The following DOCK8 variants were observed in gnomAD, a reference collection of about 807,000 sequenced individuals.
The protein encoded by DOCK8 is dedicator of cytokinesis 8, also known as dedicator of cytokinesis protein 8.
In DOCK8, 141 loss-of-function variants were observed where a neutral mutation model predicts 245.6. That is an observed-to-expected ratio of 0.57 (90% CI 0.50 to 0.66). The LOEUF is 0.66. Among genes scored for constraint, DOCK8 ranks in the 30% least tolerant of loss-of-function variants. The pLI is 0.00. For missense variants in DOCK8, 2,965 were observed against 2,603.4 expected (o/e 1.14, Z -3.02); for synonymous variants, 1,168 against 970.2 (o/e 1.20, Z -3.79).
In DOCK8 at chr9:429,268, A is replaced by G. The variant is rs147315025; in HGVS notation, c.4474-434A>G. 5.7e-3 allele frequency among the ~76,000 whole-genome samples: 872 copies of G among 152,174 alleles called. 12 individuals are homozygous for G. Among genetic ancestry groups the G allele is most frequent in the African/African-American group, 0.02 (837 of 41,562 alleles). On this transcript the variant is annotated intron_variant, in intron 35 of 47. Coordinates refer to ENST00000432829, the MANE Select transcript of DOCK8 (RefSeq NM_203447.4). ...AGGCGTGAGCCCCCGTTCCTGGCCT[A>G]TTTTTCCCTTTATTGAAGATCTCAA... is the stretch of plus-strand genomic sequence containing the variant.
At chr9:273,085 T>C in intron 2 of DOCK8, 1 of 985,436 alleles carries the variant, frequency 1.0e-6, no homozygotes, top group Non-Finnish European at 1.2e-6. Flanking sequence ...GCCGTGTAAC[T>C]GTGAATCTTT....
intron 1 of DOCK8, among the ~76,000 whole-genome samples, chr9:225,787 A>G (rs1215505071): frequency 1.3e-5 from 2 of 152,166 alleles, no homozygotes; most frequent in African/African-American, 4.8e-5. Flanking sequence ...GAGGGCATGG[A>G]TTCTTTAGAT....
intron 4 of DOCK8, among the ~76,000 whole-genome samples, chr9:293,594 G>A (rs1249912804): frequency 6.6e-6 from 1 of 152,244 alleles, no homozygotes; most frequent in Non-Finnish European, 1.5e-5. Context: ...AGGAAGGTGT[G>A]CAACACCTTC....
Position 443,410 on chromosome 9 carries a change from T to G in DOCK8, c.5491-17T>G, listed in dbSNP as rs994660359. 4 of 1,609,844 alleles carry G rather than the reference T, an allele frequency of 2.5e-6. No homozygotes were observed. The African/African-American group carries it at 5.3e-5, about 22-fold the overall frequency. On this transcript the variant is annotated splice_polypyrimidine_tract_variant and intron_variant, in intron 42 of 47. Transcript: ENST00000432829. Reference sequence around the variant, plus strand: ...TGTTAAAATAACCTTTATAAACTGTTGGTTCTTCTTACCTAGGCATTTTAT... The same window carrying G: ...TGTTAAAATAACCTTTATAAACTGTGGGTTCTTCTTACCTAGGCATTTTAT...
At chr9:398,535 G>A (rs1263780294) in intron 25 of DOCK8, among the ~76,000 whole-genome samples, 1 of 152,124 alleles carries the variant, frequency 6.6e-6, no homozygotes, top group Non-Finnish European at 1.5e-5. Context: ...GGAGCACTGA[G>A]AAATAATACA....
At position 399,997 on chromosome 9, in the gene DOCK8, T is replaced by TCCACCATCACCATCACCA. The variant is rs1554691485; in HGVS notation, c.3234+744_3234+745insTCACCATCACCACCACCA. ...TCCACCATCACCACCTCCCACCACC[T>TCCACCATCACCATCACCA]CCACCACCTCCACCATCACCACCAC... On this transcript the variant is annotated intron_variant, in intron 26 of 47. Coordinates refer to ENST00000432829, the MANE Select transcript of DOCK8 (RefSeq NM_203447.4). Among the ~76,000 whole-genome samples the TCCACCATCACCATCACCA allele has an allele frequency of 1.7e-4, 10 of 57,900 alleles. 1 individual carries two copies. The highest frequency in any genetic ancestry group is 8.2e-4 in the African/African-American group (10 of 12,156). 38.0% of individuals were successfully genotyped at this position (57,900 alleles called of 152,430 possible).
At position 406,874 on chromosome 9, in the gene DOCK8, C is replaced by T. The variant is rs948560406; in HGVS notation, c.3391-56C>T. 39 of 1,611,926 alleles carry T rather than the reference C, an allele frequency of 2.4e-5. No homozygotes were observed. The East Asian group carries it at 5.6e-4, about 23-fold the overall frequency. On this transcript the variant is annotated intron_variant, in intron 27 of 47. Coordinates refer to ENST00000432829, the MANE Select transcript of DOCK8 (RefSeq NM_203447.4). ...CGAGGACTCAGTAAACACTGGCCAT[C>T]GCTATTTTCATTCCAGTTCTTGTGG...
At chr9:413,670 C>T (rs964065939) in intron 28 of DOCK8, among the ~76,000 whole-genome samples, 4 of 152,154 alleles carry the variant, frequency 2.6e-5, no homozygotes, top group African/African-American at 9.7e-5. Flanking sequence ...CATTAGCCGT[C>T]AGGGAGATGC....
chr9:269,595 A>G (rs1214633481), intron 1 of DOCK8, among the ~76,000 whole-genome samples: 1 of 130,848 alleles, frequency 7.6e-6, no homozygotes, highest in East Asian at 2.1e-4. Flanking sequence ...TTGCTCCGTC[A>G]CCCAGGCTGG....
chr9:318,860 C>T (rs73376574), intron 7 of DOCK8, among the ~76,000 whole-genome samples: 1,859 of 152,300 alleles, frequency 0.012, 43 homozygotes, highest in African/African-American at 0.042. Flanking sequence ...TTAGATGCAG[C>T]GACTATGTCA....
At chr9:414,150 A>T (rs1406439341) in intron 28 of DOCK8, among the ~76,000 whole-genome samples, 1 of 151,226 alleles carries the variant, frequency 6.6e-6, no homozygotes, top group African/African-American at 2.4e-5. Flanking sequence ...AAAAAAGTTA[A>T]ACAGACAGTT....
At chr9:418,258 CTTCTG>C (rs971060255) in intron 30 of DOCK8, 51 bp downstream of exon 30, 5 of 1,609,688 alleles carry the variant, frequency 3.1e-6, no homozygotes, top group South Asian at 2.2e-5. Context: ...TGTCTTCTGT[CTTCTG>C]TTTTGTTTTG....
chr9:276,561 G>C (rs1237478640), intron 2 of DOCK8, among the ~76,000 whole-genome samples: 1 of 152,184 alleles, frequency 6.6e-6, no homozygotes, highest in East Asian at 1.9e-4. Flanking sequence ...TAGATGTGAT[G>C]ATAAACTTGT....
Position 416,574 on chromosome 9 carries a change from T to A in DOCK8, c.3701-1494T>A, listed in dbSNP as rs193011194. Among the ~76,000 whole-genome samples the A allele has an allele frequency of 8.8e-4, 134 of 152,358 alleles. 1 individual carries two copies. The highest frequency in any genetic ancestry group is 3.1e-3 in the African/African-American group (130 of 41,592). Reference sequence around the variant, plus strand: ...AACAGTGAAAAGTATTTTATTGTTATAGGTTACACAGTACATCTATTAAAT... The same window carrying A: ...AACAGTGAAAAGTATTTTATTGTTAAAGGTTACACAGTACATCTATTAAAT... On this transcript the variant is annotated intron_variant, in intron 29 of 47. Transcript: ENST00000432829.
At chr9:271,888 CCT>C (rs146927032) in intron 2 of DOCK8, among the ~76,000 whole-genome samples, 159 bp downstream of exon 2, 1 of 151,586 alleles carries the variant, frequency 6.6e-6, no homozygotes, top group Admixed American at 6.6e-5. Context: ...AGACAATATC[CCT>C]CTCTCTCTCT....
intron 25 of DOCK8, among the ~76,000 whole-genome samples, chr9:398,888 A>G (rs2054593373): frequency 6.6e-6 from 1 of 152,232 alleles, no homozygotes; most frequent in African/African-American, 2.4e-5. Context: ...TTAATTATAC[A>G]CATATAAATA....
chr9:255,668 CAAAA>C (rs71317282), intron 1 of DOCK8, among the ~76,000 whole-genome samples: 7 of 23,516 alleles, frequency 3.0e-4, no homozygotes, highest in South Asian at 3.6e-3. Flanking sequence ...ACTCCATCTC[CAAAA>C]AAAAAAAAAA....
chr9:315,958 G>C (rs2050325643), intron 6 of DOCK8, among the ~76,000 whole-genome samples: 1 of 152,102 alleles, frequency 6.6e-6, no homozygotes, highest in African/African-American at 2.4e-5. Flanking sequence ...TGAGCGAGTA[G>C]GCATCAAAAC....
intron 5 of DOCK8, among the ~76,000 whole-genome samples, chr9:305,631 A>C (rs778367514): frequency 1.3e-5 from 2 of 152,218 alleles, no homozygotes; most frequent in Non-Finnish European, 2.9e-5. Flanking sequence ...AATTCAAGTT[A>C]AAGTGTACAT....
Sources: gnomAD v4.1 joint callset for allele counts (sites outside exome capture counted in the v4.1 genomes callset) on GRCh38, gnomAD v4.1.1 for gene constraint, MANE v1.5 for transcripts, NCBI Gene and HGNC (gene_info 2026-07-23, HGNC 2026-07-21) for gene names.